Variants in HOXC11 observed in about 807,000 individuals in gnomAD.
HOXC11 encodes homeobox C11.
Under a neutral mutation model 23.6 loss-of-function variants are expected in HOXC11, and 17 were observed. That is an observed-to-expected ratio of 0.72 (90% CI 0.49 to 1.08). HOXC11 has a LOEUF of 1.08. Ranked by LOEUF, HOXC11 falls within the 50% of genes least tolerant of loss-of-function variation. The pLI is 0.00. For synonymous variants in HOXC11, 196 were observed against 183.8 expected, an observed-to-expected ratio of 1.07 and a Z score of -0.54; for missense variants, 413 against 412.1, an observed-to-expected ratio of 1.00 and a Z score of -0.02.
rs11613386 is a variant in HOXC11, at chr12:53,976,486, A to G, written c.*1073A>G. The stretch of plus-strand genomic sequence containing the variant: ...TTAAAATCCTCCATGCTCCCATGGC[A>G]GCGGCGGAGGAGGAGGAGGCAGGCA... On this transcript the variant is annotated 3_prime_UTR_variant, in exon 2 of 2. Transcript: ENST00000546378. The G allele has an allele frequency of 0.3, 53,682 of 176,546 alleles. 8,376 individuals are homozygous for G. Among genetic ancestry groups the G allele is most frequent in the Middle Eastern group, 0.36 (169 of 472 alleles). 10.9% of individuals were successfully genotyped at this position (176,546 alleles called of 1,614,324 possible).
rs1415297464 is a variant in HOXC11 at position 53,977,230 on chromosome 12, G to C, written c.*1817G>C. The C allele has an allele frequency of 6.6e-6, 1 of 152,206 alleles. No individual in the cohort carries two copies. The highest frequency in any genetic ancestry group is 2.4e-5 in the African/African-American group (1 of 41,440). 9.4% of individuals were successfully genotyped at this position (152,206 alleles called of 1,614,324 possible). A position where few individuals can be genotyped will look rare whatever the true frequency, so the allele number is the denominator to read the frequency against. ...ATGGCCCTTGCAGTGCTTTCAGTGAGGGCACTTCGTTGGTCTCTGTTTCAA... is the reference window on the plus strand; with the variant it reads ...ATGGCCCTTGCAGTGCTTTCAGTGACGGCACTTCGTTGGTCTCTGTTTCAA... On this transcript the variant is annotated 3_prime_UTR_variant, in exon 2 of 2. Coordinates refer to ENST00000546378, the MANE Select transcript of HOXC11 (RefSeq NM_014212.4).
In HOXC11 at chr12:53,973,722, G is replaced by A. The variant is rs1382944192; in HGVS notation, c.481G>A (p.Gly161Ser). The change falls in exon 1 of 2, where the codon GGT becomes AGT. Residue 161 changes from glycine (G) to serine (S), a missense_variant. Gly to Ser is a moderately conservative substitution (Grantham distance 56). Coordinates refer to ENST00000546378, the MANE Select transcript of HOXC11 (RefSeq NM_014212.4). This position sits in a 1 kb window ranked among gnomAD's most constrained non-coding sequence, Gnocchi z 4.3. ...FDRFFDNAYC[G>S]GGDPPAEPPC... ...CCGTTTCTTCGACAACGCCTACTGC[G>A]GTGGCGGCGACCCGCCCGCCGAGCC... is the stretch of plus-strand genomic sequence containing the variant. 5 of 1,612,606 alleles carry A rather than the reference G, an allele frequency of 3.1e-6. No individual in the cohort carries two copies. The highest frequency in any genetic ancestry group is 3.4e-6 in the Non-Finnish European group (4 of 1,179,654).
At position 53,975,175 on chromosome 12, in the gene HOXC11, C is replaced by G; in HGVS notation, c.683-6C>G. On this transcript the variant is annotated splice_region_variant and splice_polypyrimidine_tract_variant and intron_variant, in intron 1 of 1. Coordinates refer to ENST00000546378, the MANE Select transcript of HOXC11 (RefSeq NM_014212.4). ...TCCTCGCACTTGCCCCCTCCCCTCC[C>G]TCCAGACGCCCCCCGCACCCGCAAG... 1.9e-6 allele frequency: 3 copies of G among 1,583,908 alleles called. No individual in the cohort carries two copies. Among genetic ancestry groups the G allele is most frequent in the Non-Finnish European group, 2.6e-6 (3 of 1,158,620 alleles).
chr12:53,975,344 C>T lies in HOXC11; in HGVS notation c.846C>T (p.Asn282=). 1 of 1,613,786 alleles carries T rather than the reference C, an allele frequency of 6.2e-7. No individual in the cohort carries two copies. The change falls in exon 2 of 2, where the codon AAC becomes AAT. Residue 282 remains asparagine, a synonymous_variant. Transcript: ENST00000546378. The part of the protein sequence containing the change: ...TDRQVKIWFQ[N]RRMKEKKLSR... ...GACAAGTGAAAATTTGGTTTCAGAA[C>T]AGAAGGATGAAAGAAAAGAAACTGA...
rs377285184 is a variant in HOXC11, at chr12:53,973,694, C to A, written c.453C>A (p.Phe151Leu). ...AGAACAGCGTCCTGCCTCAAGCCTT[C>A]GACCGTTTCTTCGACAACGCCTACT... is the stretch of plus-strand genomic sequence containing the variant. The part of the protein sequence containing the change: ...VNKNSVLPQA[F>L]DRFFDNAYCG... Residue 151 changes from phenylalanine to leucine, a missense_variant, in exon 1 of 2, where the codon TTC becomes TTA. By Grantham distance (22) the Phe-to-Leu change is conservative. Coordinates refer to ENST00000546378, the MANE Select transcript of HOXC11 (RefSeq NM_014212.4). The surrounding 1 kb of genome is among the most constrained non-coding windows in gnomAD (Gnocchi z 4.3). 5.0e-6 allele frequency: 8 copies of A among 1,613,586 alleles called. No homozygotes were observed. The highest frequency in any genetic ancestry group is 6.8e-6 in the Non-Finnish European group (8 of 1,180,038).
At position 53,977,139 on chromosome 12, in the gene HOXC11, G is replaced by A. The variant is rs1444669803; in HGVS notation, c.*1726G>A. The A allele has an allele frequency of 6.6e-6, 1 of 152,256 alleles. No homozygotes were observed. The highest frequency in any genetic ancestry group is 1.5e-5 in the Non-Finnish European group (1 of 68,080). The allele number at this position is 152,256 out of a possible 1,614,324, so 9.4% of individuals were successfully genotyped here. A position where few individuals can be genotyped will look rare whatever the true frequency, so the allele number is the denominator to read the frequency against. ...AGGGGTTGGCACTGGGGATGGAGAT[G>A]ACCTGCGGGGACAGTCACCATACCC... On this transcript the variant is annotated 3_prime_UTR_variant, in exon 2 of 2. Transcript: ENST00000546378.
chr12:53,975,146 C>A (rs753129887), intron 1 of HOXC11, 35 bp from the exon 2 acceptor site: 19 of 893,518 alleles, frequency 2.1e-5, no homozygotes, highest in Non-Finnish European at 2.5e-5. Context: ...CTCTCTCCCC[C>A]CTCTCCTCGC....
Position 53,975,439 on chromosome 12 carries a change from C to CG in HOXC11, c.*32dup, listed in dbSNP as rs762187234. 8.6e-6 allele frequency: 11 copies of CG among 1,275,036 alleles called. No individual in the cohort carries two copies. The Admixed American group carries it at 1.6e-4, about 18-fold the overall frequency. The allele number at this position is 1,275,036 out of a possible 1,614,324, so 79.0% of individuals were successfully genotyped here. A position where few individuals can be genotyped will look rare whatever the true frequency, so the allele number is the denominator to read the frequency against. ...CCTGCAGACCGGGCCCTTTTGGGGG[C>CG]GGGGGGAGGGGAAAATTATTTTATT... On this transcript the variant is annotated 3_prime_UTR_variant, in exon 2 of 2. Coordinates refer to ENST00000546378, the MANE Select transcript of HOXC11 (RefSeq NM_014212.4).
Position 53,973,646 on chromosome 12 carries a change from C to G in HOXC11, c.405C>G (p.Ala135=), listed in dbSNP as rs139414813. Residue 135 remains alanine (A), a synonymous_variant, in exon 1 of 2, where the codon GCC becomes GCG. Coordinates refer to ENST00000546378, the MANE Select transcript of HOXC11 (RefSeq NM_014212.4). This position sits in a 1 kb window ranked among gnomAD's most constrained non-coding sequence, Gnocchi z 4.3. ...HHPSAPHATP[A]GFYSSVNKNS... ...CCAGCGCCCCGCACGCAACCCCCGC[C>G]GGCTTCTACTCCTCAGTCAACAAGA... is the stretch of plus-strand genomic sequence containing the variant. 1.4e-5 allele frequency: 22 copies of G among 1,613,688 alleles called. No individual in the cohort carries two copies. The highest frequency in any genetic ancestry group is 6.7e-5 in the East Asian group (3 of 44,888).
chr12:53,975,959 C>T lies in HOXC11; in HGVS notation c.*546C>T, dbSNP rs1939250719. ...GGTGTTAGGTGTGCAAAGTCCGTGTCCTACCTCCGTCTTCGCCAAGGCCCC... is the reference window on the plus strand; with the variant it reads ...GGTGTTAGGTGTGCAAAGTCCGTGTTCTACCTCCGTCTTCGCCAAGGCCCC... On this transcript the variant is annotated 3_prime_UTR_variant, in exon 2 of 2. Coordinates refer to ENST00000546378, the MANE Select transcript of HOXC11 (RefSeq NM_014212.4). The T allele has an allele frequency of 3.9e-6, 1 of 254,638 alleles. No homozygotes were observed. The highest frequency in any genetic ancestry group is 2.2e-5 in the African/African-American group (1 of 45,978). The allele number at this position is 254,638 out of a possible 1,614,324, so 15.8% of individuals were successfully genotyped here.
Position 53,975,542 on chromosome 12 carries a change from C to T in HOXC11, c.*129C>T. ...GGACTGTGGCCAGGGCTGGCCCCCA[C>T]CGCTGTGGCCGGCACTCCATTCCGG... On this transcript the variant is annotated 3_prime_UTR_variant, in exon 2 of 2. Coordinates refer to ENST00000546378, the MANE Select transcript of HOXC11 (RefSeq NM_014212.4). 1 of 743,912 alleles carries T rather than the reference C, an allele frequency of 1.3e-6. No homozygotes were observed. The highest frequency in any genetic ancestry group is 2.3e-6 in the Non-Finnish European group (1 of 426,500). The allele number at this position is 743,912 out of a possible 1,614,324, so 46.1% of individuals were successfully genotyped here.
At chr12:53,975,149 C>G (rs1939233339) in intron 1 of HOXC11, 32 bp from the exon 2 acceptor site, 1 of 776,712 alleles carries the variant, frequency 1.3e-6, no homozygotes, top group East Asian at 2.8e-5. Context: ...TCTCCCCCCT[C>G]TCCTCGCACT....
Position 53,973,795 on chromosome 12 carries a change from C to G in HOXC11, c.554C>G (p.Pro185Arg). The G allele has an allele frequency of 6.3e-7, 1 of 1,592,640 alleles. No homozygotes were observed. The highest frequency in any genetic ancestry group is 1.1e-5 in the South Asian group (1 of 89,400). Residue 185 changes from proline to arginine, a missense_variant, in exon 1 of 2, where the codon CCG (proline) becomes CGG (arginine). Physicochemically the swap from Pro to Arg is moderately radical, Grantham distance 103 (BLOSUM62 -2). Transcript: ENST00000546378. The surrounding 1 kb of genome is among the most constrained non-coding windows in gnomAD (Gnocchi z 4.3). Reference protein sequence around the residue: ...GEAKGEPEAPPASGLASRAEA... With the variant: ...GEAKGEPEAPRASGLASRAEA... Reference sequence around the variant, plus strand: ...GCCAAGGGGGAGCCCGAGGCACCCCCGGCCTCGGGACTGGCGTCCCGGGCT... The same window carrying G: ...GCCAAGGGGGAGCCCGAGGCACCCCGGGCCTCGGGACTGGCGTCCCGGGCT...
chr12:53,976,822 C>T lies in HOXC11; in HGVS notation c.*1409C>T, dbSNP rs1253920373. 2 of 150,552 alleles carry T rather than the reference C, an allele frequency of 1.3e-5. No homozygotes were observed. The highest frequency in any genetic ancestry group is 2.9e-5 in the Non-Finnish European group (2 of 67,852). 9.3% of individuals were successfully genotyped at this position (150,552 alleles called of 1,614,324 possible). ...CCTTCTGCCAGATGTCTCCGTCTGT[C>T]GCAGTTAAATGTGTAGTGTGGAGGT... On this transcript the variant is annotated 3_prime_UTR_variant, in exon 2 of 2. Coordinates refer to ENST00000546378, the MANE Select transcript of HOXC11 (RefSeq NM_014212.4).
In HOXC11 at chr12:53,976,127, C is replaced by CTTTTTTTTT. The variant is rs768935038; in HGVS notation, c.*722_*730dup. On this transcript the variant is annotated 3_prime_UTR_variant, in exon 2 of 2. Transcript: ENST00000546378. ...GCTATAGTCTATGCAGTCGTTACCT[C>CTTTTTTTTT]TTTTTTTTTTTTTTTTAAGAAAATT... is the stretch of plus-strand genomic sequence containing the variant. 821 of 180,918 alleles carry CTTTTTTTTT rather than the reference C, an allele frequency of 4.5e-3. 10 individuals are homozygous for CTTTTTTTTT. Among genetic ancestry groups the CTTTTTTTTT allele is most frequent in the African/African-American group, 0.013 (467 of 35,852 alleles). The allele number at this position is 180,918 out of a possible 1,614,324, so 11.2% of individuals were successfully genotyped here.
chr12:53,973,188 C>A lies in HOXC11; in HGVS notation c.-54C>A. ...CATCTCGCCTTCCCAAATTTTCCCC[C>A]CTCGCTAGACCGGGTCCAAAACCTC... On this transcript the variant is annotated 5_prime_UTR_variant, in exon 1 of 2. Coordinates refer to ENST00000546378, the MANE Select transcript of HOXC11 (RefSeq NM_014212.4). This position sits in a 1 kb window ranked among gnomAD's most constrained non-coding sequence, Gnocchi z 4.3. The A allele has an allele frequency of 6.9e-7, 1 of 1,444,402 alleles. No homozygotes were observed. Among genetic ancestry groups the A allele is most frequent in the Admixed American group, 2.2e-5 (1 of 44,484 alleles). 89.5% of individuals were successfully genotyped at this position (1,444,402 alleles called of 1,614,324 possible). A position where few individuals can be genotyped will look rare whatever the true frequency, so the allele number is the denominator to read the frequency against.
At chr12:53,974,039 G>A (rs1939202443) in intron 1 of HOXC11, 116 bp downstream of exon 1, 3 of 727,282 alleles carry the variant, frequency 4.1e-6, no homozygotes, top group Non-Finnish European at 6.2e-6. Flanking sequence ...GGGTCAGTCC[G>A]ATTTTATGTG....
Position 53,975,652 on chromosome 12 carries a change from G to A in HOXC11, c.*239G>A, listed in dbSNP as rs1469931695. 6.6e-6 allele frequency: 4 copies of A among 604,302 alleles called. No individual in the cohort carries two copies. The highest frequency in any genetic ancestry group is 2.9e-5 in the East Asian group (1 of 34,968). The allele number at this position is 604,302 out of a possible 1,614,324, so 37.4% of individuals were successfully genotyped here. A position where few individuals can be genotyped will look rare whatever the true frequency, so the allele number is the denominator to read the frequency against. On this transcript the variant is annotated 3_prime_UTR_variant, in exon 2 of 2. Transcript: ENST00000546378. The stretch of plus-strand genomic sequence containing the variant: ...GGTGAAGGGAAGTGTCTGATGCACG[G>A]CGAGTGAACACCGTTGGCGCCGAGG...
Position 53,976,143 on chromosome 12 carries a change from T to TTTTTTTTTTA in HOXC11, c.*730_*731insTTTTTTTTTA, listed in dbSNP as rs75724555. 1 of 225,966 alleles carries TTTTTTTTTTA rather than the reference T, an allele frequency of 4.4e-6. No individual in the cohort carries two copies. The highest frequency in any genetic ancestry group is 1.8e-4 in the South Asian group (1 of 5,408). 14.0% of individuals were successfully genotyped at this position (225,966 alleles called of 1,614,324 possible). ...TCGTTACCTCTTTTTTTTTTTTTTTTAAGAAAATTGAAGATTGGGGTGGTG... is the reference window on the plus strand; with the variant it reads ...TCGTTACCTCTTTTTTTTTTTTTTTTTTTTTTTTTAAAGAAAATTGAAGATTGGGGTGGTG... On this transcript the variant is annotated 3_prime_UTR_variant, in exon 2 of 2. Transcript: ENST00000546378.
Sources: allele counts gnomAD v4.1 joint callset, GRCh38; gene constraint gnomAD v4.1.1; non-coding constraint Gnocchi (gnomAD v3.1); transcripts MANE v1.5; gene names NCBI Gene and HGNC (gene_info 2026-07-23, HGNC 2026-07-21).